Variants in BCL2L13 observed in about 807,000 individuals in gnomAD.
The protein encoded by BCL2L13 is BCL2 like 13.
BCL2L13 carries 13 observed loss-of-function variants against 25.8 expected under a neutral mutation model. The ratio of observed to expected loss-of-function variants is 0.50; its 90% CI spans 0.33 to 0.80. The LOEUF (loss-of-function observed/expected upper bound fraction) is 0.80, where lower values mean the gene tolerates loss of function less well. BCL2L13 is among the 30% of genes least tolerant of loss of function. BCL2L13 has a pLI of 0.02. For missense variants in BCL2L13, 504 were observed against 574.9 expected, an observed-to-expected ratio of 0.88 and a Z score of 1.26; for synonymous variants, 244 against 230.3, an observed-to-expected ratio of 1.06 and a Z score of -0.54.
At chr22:17,645,591 A>G (rs758145715) in intron 1 of BCL2L13, among the ~76,000 whole-genome samples, 9 of 151,628 alleles carry the variant, frequency 5.9e-5, no homozygotes, top group Admixed American at 1.3e-4. Context: ...AATTCCTACA[A>G]TATAATCAGC....
intron 1 of BCL2L13, among the ~76,000 whole-genome samples, chr22:17,647,373 G>A (rs2146441116): frequency 6.6e-6 from 1 of 152,144 alleles, no homozygotes; most frequent in East Asian, 1.9e-4. Flanking sequence ...CTCCCAAAGT[G>A]CTTCTACAAA....
intron 1 of BCL2L13, 113 bp downstream of exon 1, chr22:17,638,999 G>A: frequency 3.4e-6 from 3 of 871,978 alleles, no homozygotes; most frequent in Non-Finnish European, 3.0e-6. Context: ...TGGTTCCGAC[G>A]ACGCGTGAGT....
At position 17,729,629 on chromosome 22, in the gene BCL2L13, C is replaced by T. The variant is rs2061370293; in HGVS notation, c.*2095C>T. Reference sequence around the variant, plus strand: ...TGAGCTGCTGAAAGGAGGTGTGAGGCTTAGGAAATTGGAGCCTGTGTTGCC... The same window carrying T: ...TGAGCTGCTGAAAGGAGGTGTGAGGTTTAGGAAATTGGAGCCTGTGTTGCC... On this transcript the variant is annotated 3_prime_UTR_variant, in exon 7 of 7. Transcript: ENST00000317582. The T allele has an allele frequency of 6.6e-6, 1 of 152,174 alleles. No individual in the cohort carries two copies. Among genetic ancestry groups the T allele is most frequent in the African/African-American group, 2.4e-5 (1 of 41,432 alleles). 9.4% of individuals were successfully genotyped at this position (152,174 alleles called of 1,614,324 possible).
intron 5 of BCL2L13, among the ~76,000 whole-genome samples, chr22:17,696,789 A>G (rs944114614): frequency 6.6e-6 from 1 of 152,192 alleles, no homozygotes; most frequent in Non-Finnish European, 1.5e-5. Flanking sequence ...CACTAGAGCT[A>G]AGATCTGATT....
chr22:17,696,070 G>A (rs190897414), intron 4 of BCL2L13, 71 bp from the exon 5 acceptor site: 16 of 1,087,252 alleles, frequency 1.5e-5, no homozygotes, highest in Non-Finnish European at 2.1e-5. Flanking sequence ...AGTAGTGACT[G>A]TATATGTATT....
chr22:17,640,016 G>T (rs2058216375), intron 1 of BCL2L13, among the ~76,000 whole-genome samples: 1 of 152,040 alleles, frequency 6.6e-6, no homozygotes. Context: ...CACCACGCGG[G>T]GCTAATTTTG....
intron 2 of BCL2L13, among the ~76,000 whole-genome samples, chr22:17,669,581 A>T (rs1044351818): frequency 2.0e-5 from 3 of 152,172 alleles, no homozygotes; most frequent in African/African-American, 7.2e-5. Context: ...TCCATGAGGG[A>T]TGCACTCCCG....
rs764692642 is a variant in BCL2L13 at position 17,726,843 on chromosome 22, T to C, written c.767T>C (p.Leu256Pro). The change falls in exon 7 of 7, where the codon CTG becomes CCG. Residue 256 changes from leucine (L) to proline (P), a missense_variant. Leu to Pro is a moderately conservative substitution (Grantham distance 98). Transcript: ENST00000317582. Reference protein sequence around the residue: ...SWQSESLPVSLSASQSWHTES... With the variant: ...SWQSESLPVSPSASQSWHTES... ...CAGTCTGAGAGCTTACCTGTGTCACTGTCAGCTAGCCAGAGTTGGCACACA... is the reference window on the plus strand; with the variant it reads ...CAGTCTGAGAGCTTACCTGTGTCACCGTCAGCTAGCCAGAGTTGGCACACA... 1 of 1,613,964 alleles carries C rather than the reference T, an allele frequency of 6.2e-7. No homozygotes were observed. Among genetic ancestry groups the C allele is most frequent in the South Asian group, 1.1e-5 (1 of 91,074 alleles).
intron 6 of BCL2L13, among the ~76,000 whole-genome samples, chr22:17,705,300 A>ATTT (rs758981042): frequency 7.4e-6 from 1 of 135,742 alleles, no homozygotes; most frequent in African/African-American, 2.7e-5. Flanking sequence ...AAGATACTGC[A>ATTT]TTTTTTTTTT....
chr22:17,660,736 TATTTA>T (rs2059037121), intron 2 of BCL2L13, among the ~76,000 whole-genome samples: 2 of 146,576 alleles, frequency 1.4e-5, no homozygotes, highest in Admixed American at 6.8e-5. Context: ...ACACCTCATT[TATTTA>T]ATTTAACTAT....
At chr22:17,719,827 CAAAAAAA>C (rs60474373) in intron 6 of BCL2L13, among the ~76,000 whole-genome samples, 1 of 91,098 alleles carries the variant, frequency 1.1e-5, no homozygotes, top group Admixed American at 1.4e-4. Context: ...GACTCCATCT[CAAAAAAA>C]AAAAAAAAAA....
At chr22:17,673,522 C>T (rs2059481979) in intron 2 of BCL2L13, among the ~76,000 whole-genome samples, 1 of 137,190 alleles carries the variant, frequency 7.3e-6, no homozygotes, top group African/African-American at 2.8e-5. Flanking sequence ...CGCCCACTAC[C>T]ATGCCTGGCA....
intron 6 of BCL2L13, among the ~76,000 whole-genome samples, chr22:17,722,378 G>GGT (rs71315401): frequency 0.013 from 1,571 of 121,950 alleles, 14 homozygotes; most frequent in South Asian, 0.02. Context: ...AGACTACAGG[G>GGT]GTGTGTGTGT....
intron 2 of BCL2L13, among the ~76,000 whole-genome samples, chr22:17,658,959 T>C (rs1031037943): frequency 7.3e-5 from 10 of 137,520 alleles, no homozygotes; most frequent in African/African-American, 2.4e-4. Flanking sequence ...CTTGGGAGGC[T>C]GAGGCAGAGA....
At chr22:17,695,051 G>A (rs553345253) in intron 4 of BCL2L13, among the ~76,000 whole-genome samples, 38 of 140,718 alleles carry the variant, frequency 2.7e-4, no homozygotes, top group Non-Finnish European at 4.9e-4. Flanking sequence ...GTAGCAATGC[G>A]AGGAACCACT....
chr22:17,727,217 G>A lies in BCL2L13; in HGVS notation c.1141G>A (p.Asp381Asn). ...SPATSLFVEL[D>N]EEEVKAATTE... ...TGCTACATCTCTGTTTGTAGAACTT[G>A]ATGAAGAAGAGGTGAAAGCAGCAAC... The change falls in exon 7 of 7, where the codon GAT (aspartate) becomes AAT (asparagine). Residue 381 changes from aspartate (D) to asparagine (N), a missense_variant. Physicochemically the swap from Asp to Asn is conservative, Grantham distance 23. Coordinates refer to ENST00000317582, the MANE Select transcript of BCL2L13 (RefSeq NM_015367.4). 4.3e-6 allele frequency: 7 copies of A among 1,614,228 alleles called. No individual in the cohort carries two copies. The highest frequency in any genetic ancestry group is 5.9e-6 in the Non-Finnish European group (7 of 1,180,026).
chr22:17,671,482 G>C (rs904501370), intron 2 of BCL2L13, among the ~76,000 whole-genome samples: 2 of 150,544 alleles, frequency 1.3e-5, no homozygotes, highest in Non-Finnish European at 3.0e-5. Flanking sequence ...CAGGGGAATC[G>C]CTTGAACCTG....
chr22:17,629,010 A>G (rs2146327149), intron 1 of BCL2L13: 1 of 261,252 alleles, frequency 3.8e-6, no homozygotes, highest in South Asian at 4.9e-5. Flanking sequence ...GGTTAGGTAT[A>G]TTGGAGAATG....
Position 17,730,318 on chromosome 22 carries a change from A to AC in BCL2L13, c.*2787dup, listed in dbSNP as rs2061379050. 1 of 151,986 alleles carries AC rather than the reference A, an allele frequency of 6.6e-6. No individual in the cohort carries two copies. The highest frequency in any genetic ancestry group is 6.6e-5 in the Admixed American group (1 of 15,244). 9.4% of individuals were successfully genotyped at this position (151,986 alleles called of 1,614,324 possible). A position where few individuals can be genotyped will look rare whatever the true frequency, so the allele number is the denominator to read the frequency against. ...AATGCAACTGTTGACCTTCTGGTTC[A>AC]CCCATCTCCCCCTCGAGGCATTCTT... is the stretch of plus-strand genomic sequence containing the variant. On this transcript the variant is annotated 3_prime_UTR_variant, in exon 7 of 7. Transcript: ENST00000317582.
Sources: allele counts gnomAD v4.1 joint callset (sites outside exome capture counted in the v4.1 genomes callset), GRCh38; gene constraint gnomAD v4.1.1; transcripts MANE v1.5; gene names NCBI Gene and HGNC (gene_info 2026-07-23, HGNC 2026-07-21).